CDH4: variants seen among roughly 807,000 people sequenced by gnomAD.
The protein encoded by CDH4 is cadherin-4.
A neutral mutation model predicts 86.0 loss-of-function variants in CDH4; 33 were observed. The ratio of observed to expected loss-of-function variants is 0.38; its 90% confidence interval spans 0.29 to 0.51. The LOEUF is 0.51. CDH4 is among the 20% of genes least tolerant of loss of function. The pLI is 0.86. For synonymous variants in CDH4, 555 were observed against 549.4 expected (o/e 1.01, Z -0.14); for missense variants, 1,114 against 1,307.4 (o/e 0.85, Z 2.28).
intron 2 of CDH4, among the ~76,000 whole-genome samples, chr20:61,381,937 A>C (rs8123937): frequency 6.6e-6 from 1 of 150,798 alleles, no homozygotes; most frequent in African/African-American, 2.4e-5. Context: ...TTAGCCAGGC[A>C]TGGTGGCAGG....
intron 4 of CDH4, among the ~76,000 whole-genome samples, chr20:61,831,218 C>T (rs1056106096): frequency 1.8e-4 from 28 of 152,220 alleles, no homozygotes; most frequent in Admixed American, 9.8e-4. Flanking sequence ...GCACTGGGAA[C>T]ATGCCCTGCA....
intron 4 of CDH4, among the ~76,000 whole-genome samples, chr20:61,787,649 G>C (rs138858082): frequency 2.8e-4 from 42 of 152,354 alleles, no homozygotes; most frequent in African/African-American, 1.0e-3. Context: ...CCCTCATGGA[G>C]TTTATGATCA....
chr20:61,866,559 A>G (rs942140710), intron 6 of CDH4, among the ~76,000 whole-genome samples: 1 of 152,160 alleles, frequency 6.6e-6, no homozygotes, highest in African/African-American at 2.4e-5. Context: ...TCTTTGATCA[A>G]TAATAAAGTT....
At chr20:61,263,748 T>C (rs921962139) in intron 2 of CDH4, among the ~76,000 whole-genome samples, 4 of 152,216 alleles carry the variant, frequency 2.6e-5, no homozygotes, top group African/African-American at 9.6e-5. Flanking sequence ...GTCCCTGTGC[T>C]GAAATCAAGG....
intron 2 of CDH4, among the ~76,000 whole-genome samples, chr20:61,707,945 G>C (rs922302852): frequency 6.6e-6 from 1 of 152,288 alleles, no homozygotes; most frequent in South Asian, 2.1e-4. Context: ...CGGATGACAG[G>C]GAGGGTCATG....
intron 4 of CDH4, among the ~76,000 whole-genome samples, chr20:61,784,681 C>T (rs1223410956): frequency 2.0e-5 from 2 of 100,368 alleles, no homozygotes; most frequent in East Asian, 5.7e-4. Flanking sequence ...TGTCCTGTGC[C>T]CCCAAGAGAA....
chr20:61,404,398 G>C lies in CDH4; in HGVS notation c.169+149461G>C, dbSNP rs535001058. On this transcript the variant is annotated intron_variant, in intron 2 of 15. Transcript: ENST00000614565. ...TTTCACCCTCCTCCACAATGGTAGA[G>C]TGCTTTTGTGTCAAGGCATCAAATA... Among the ~76,000 whole-genome samples, 172 of 152,278 alleles carry C rather than the reference G, an allele frequency of 1.1e-3. 1 individual carries two copies. Among genetic ancestry groups the C allele is most frequent in the Non-Finnish European group, 2.0e-3 (138 of 68,030 alleles).
intron 6 of CDH4, 28 bp downstream of exon 6, chr20:61,852,926 A>T (rs1372583476): frequency 6.2e-7 from 1 of 1,612,358 alleles, no homozygotes. Context: ...TGCTTGCTGG[A>T]GACCCTGTGG....
At chr20:61,727,027 G>A (rs2088122192) in intron 2 of CDH4, among the ~76,000 whole-genome samples, 1 of 148,948 alleles carries the variant, frequency 6.7e-6, no homozygotes, top group Non-Finnish European at 1.5e-5. Flanking sequence ...CATTGGTGCT[G>A]CCATCATCAC....
intron 3 of CDH4, among the ~76,000 whole-genome samples, chr20:61,767,111 A>T (rs2088708896): frequency 6.6e-6 from 1 of 152,170 alleles, no homozygotes; most frequent in Admixed American, 6.5e-5. Context: ...GTGTCTGGGA[A>T]GTCACTTGGG....
At chr20:61,353,481 A>G (rs1468940922) in intron 2 of CDH4, among the ~76,000 whole-genome samples, 1 of 151,990 alleles carries the variant, frequency 6.6e-6, no homozygotes, top group Non-Finnish European at 1.5e-5. Flanking sequence ...CTGCCTTAAT[A>G]CACTGAGCCT....
chr20:61,583,978 G>C (rs1036404055), intron 2 of CDH4, among the ~76,000 whole-genome samples: 3 of 152,142 alleles, frequency 2.0e-5, no homozygotes, highest in African/African-American at 7.2e-5. Flanking sequence ...GGCCAACATG[G>C]TGAAACCCTG....
chr20:61,726,494 C>T (rs974629568), intron 2 of CDH4, among the ~76,000 whole-genome samples: 5 of 152,150 alleles, frequency 3.3e-5, no homozygotes, highest in African/African-American at 1.2e-4. Flanking sequence ...TTGTGGGGAC[C>T]TAGTGAGGTG....
chr20:61,341,881 G>A lies in CDH4; in HGVS notation c.169+86944G>A, dbSNP rs148370652. 7.8e-3 allele frequency among the ~76,000 whole-genome samples: 1,192 copies of A among 152,320 alleles called. 21 individuals carry two copies. The highest frequency in any genetic ancestry group is 0.028 in the African/African-American group (1,152 of 41,568). ...GCCCATCCTGCCTTGAGAGGACCCA[G>A]GACAGTCATTTCCTAGGGGTTTGCG... On this transcript the variant is annotated intron_variant, in intron 2 of 15. Transcript: ENST00000614565.
rs980343171 is a variant in CDH4 at position 61,393,032 on chromosome 20, G to A, written c.169+138095G>A. On this transcript the variant is annotated intron_variant, in intron 2 of 15. Transcript: ENST00000614565. This position sits in a 1 kb window ranked among gnomAD's most constrained non-coding sequence, Gnocchi z 4.3. ...GGATAGAAAACGTGAGGACAGAGCA[G>A]CTGCGGGGCCCCTCGGTGATCAGGG... is the stretch of plus-strand genomic sequence containing the variant. 2.6e-5 allele frequency among the ~76,000 whole-genome samples: 4 copies of A among 152,132 alleles called. No homozygotes were observed. The highest frequency in any genetic ancestry group is 4.8e-5 in the African/African-American group (2 of 41,412).
intron 7 of CDH4, among the ~76,000 whole-genome samples, chr20:61,890,793 T>C (rs1758600751): frequency 6.6e-6 from 1 of 152,160 alleles, no homozygotes; most frequent in Non-Finnish European, 1.5e-5. Flanking sequence ...GTCAGCTCTG[T>C]TAGACACGAC....
At chr20:61,453,358 G>A (rs1274204822) in intron 2 of CDH4, among the ~76,000 whole-genome samples, 1 of 152,194 alleles carries the variant, frequency 6.6e-6, no homozygotes, top group African/African-American at 2.4e-5. Context: ...CGGCCCAGCA[G>A]AGACGTCAGG....
intron 2 of CDH4, chr20:61,738,248 C>G (rs1357435971): frequency 2.6e-5 from 4 of 152,224 alleles, no homozygotes; most frequent in African/African-American, 9.7e-5. Context: ...CCTTCTGTCT[C>G]TTGTCAAGTT....
intron 11 of CDH4, 28 bp from the exon 12 acceptor site, chr20:61,928,162 C>A (rs765299128): frequency 6.4e-7 from 1 of 1,566,844 alleles, no homozygotes; most frequent in South Asian, 1.1e-5. Context: ...AGGAGTGGCC[C>A]GTGTGGTGAC....
Sources: gnomAD v4.1 joint callset for allele counts (sites outside exome capture counted in the v4.1 genomes callset) on GRCh38, gnomAD v4.1.1 for gene constraint, Gnocchi (gnomAD v3.1) non-coding constraint, MANE v1.5 for transcripts, NCBI Gene and HGNC (gene_info 2026-07-23, HGNC 2026-07-21) for gene names.